PRDM10: variants seen among roughly 807,000 people sequenced by gnomAD.
PRDM10 encodes PR domain zinc finger protein 10.
In PRDM10, 65 loss-of-function variants were observed where a neutral mutation model predicts 133.1. That is an observed-to-expected ratio of 0.49 (90% CI 0.40 to 0.60). The LOEUF (loss-of-function observed/expected upper bound fraction) is 0.60. Ranked by LOEUF, PRDM10 falls within the 20% of genes least tolerant of loss-of-function variation. The pLI is 0.00. For synonymous variants in PRDM10, 582 were observed against 580.4 expected, an observed-to-expected ratio of 1.00 and a Z score of -0.04; for missense variants, 1,137 against 1,507.1, an observed-to-expected ratio of 0.75 and a Z score of 4.07.
At chr11:129,986,134 G>A (rs892492612) in intron 1 of PRDM10, among the ~76,000 whole-genome samples, 1 of 151,944 alleles carries the variant, frequency 6.6e-6, no homozygotes, top group African/African-American at 2.4e-5. Context: ...GTTAATGGAG[G>A]GGGCAGAGGC....
chr11:129,928,131 G>A (rs1950740920), intron 11 of PRDM10, among the ~76,000 whole-genome samples: 1 of 152,014 alleles, frequency 6.6e-6, no homozygotes. Context: ...TTAGAGATGG[G>A]GTCTTTCTCC....
intron 1 of PRDM10, among the ~76,000 whole-genome samples, chr11:129,984,521 G>A (rs1053180462): frequency 6.6e-6 from 1 of 151,684 alleles, no homozygotes; most frequent in Non-Finnish European, 1.5e-5. Flanking sequence ...CCTCGGCCTC[G>A]GCCCACCCTA....
intron 8 of PRDM10, 134 bp downstream of exon 8, chr11:129,937,464 T>G (rs1951069137): frequency 1.6e-6 from 1 of 618,714 alleles, no homozygotes; most frequent in Non-Finnish European, 2.7e-6. Context: ...GATGGAGATG[T>G]GTGTCTCTAA....
intron 15 of PRDM10, 103 bp from the exon 16 acceptor site, chr11:129,915,963 T>A (rs1490546178): frequency 5.4e-6 from 6 of 1,107,784 alleles, no homozygotes; most frequent in South Asian, 4.9e-5. Context: ...AAAGTATTCA[T>A]GTAGCCCCAA....
intron 1 of PRDM10, among the ~76,000 whole-genome samples, chr11:129,969,295 T>C (rs2135942128): frequency 1.3e-5 from 2 of 152,312 alleles, no homozygotes; most frequent in South Asian, 4.1e-4. Context: ...GAAATGATAC[T>C]TGGGCTTGGT....
Position 129,914,604 on chromosome 11 carries a change from G to C in PRDM10, c.2841+100C>G, listed in dbSNP as rs773750211. ...AATGCCCAAGGCTCAGAACTTCCAC[G>C]CAGAAGGACATTACATAGATCCCAG... is the stretch of plus-strand genomic sequence containing the variant. On this transcript the variant is annotated intron_variant, in intron 17 of 20. Coordinates refer to ENST00000360871, the MANE Select transcript of PRDM10 (RefSeq NM_199437.2). 2.0e-6 allele frequency: 3 copies of C among 1,505,078 alleles called. No homozygotes were observed. The South Asian group carries it at 3.4e-5, about 17-fold the overall frequency. 93.2% of individuals were successfully genotyped at this position (1,505,078 alleles called of 1,614,324 possible). A position where few individuals can be genotyped will look rare whatever the true frequency, so the allele number is the denominator to read the frequency against.
intron 9 of PRDM10, 96 bp downstream of exon 9, chr11:129,935,005 A>G: frequency 5.7e-6 from 6 of 1,061,004 alleles, no homozygotes; most frequent in Non-Finnish European, 8.6e-6. Context: ...CTATCTATAC[A>G]TGACACTCGG....
Position 130,002,531 on chromosome 11 carries a change from T to TC in PRDM10, c.-119+190dup, listed in dbSNP as rs527290559. Among the ~76,000 whole-genome samples the TC allele has an allele frequency of 5.7e-4, 84 of 148,378 alleles. 1 individual carries two copies. The highest frequency in any genetic ancestry group is 8.6e-4 in the South Asian group (4 of 4,636). ...CATCGGGCGGTGCCGCCGGGATTTC[T>TC]CCCCCCCACCACCACCATCAATTCC... On this transcript the variant is annotated intron_variant, in intron 1 of 20. Transcript: ENST00000360871.
rs1951355867 is a variant in PRDM10, at chr11:129,944,909, G to A, written c.624C>T (p.Leu208=). ...RPVLTRARAS[L]PLVLYIDRFL... ...ACCTGTCTATGTAGAGCACCAGGGG[G>A]AGGCTCGCCCTGGCCCGGGTGAGCA... The change falls in exon 6 of 21, where the codon CTC becomes CTT. Residue 208 remains leucine (L), a synonymous_variant. Coordinates refer to ENST00000360871, the MANE Select transcript of PRDM10 (RefSeq NM_199437.2). 3.1e-6 allele frequency: 5 copies of A among 1,613,994 alleles called. No homozygotes were observed. The highest frequency in any genetic ancestry group is 1.7e-5 in the Admixed American group (1 of 59,992).
chr11:130,002,120 C>A (rs1044456204), intron 1 of PRDM10, among the ~76,000 whole-genome samples: 4 of 150,558 alleles, frequency 2.7e-5, no homozygotes, highest in African/African-American at 9.7e-5. Flanking sequence ...GAGCCCTGCC[C>A]GCACTGCCAC....
chr11:129,923,790 G>A lies in PRDM10; in HGVS notation c.1879-387C>T, dbSNP rs1950595926. Among the ~76,000 whole-genome samples, 1 of 151,864 alleles carries A rather than the reference G, an allele frequency of 6.6e-6. No homozygotes were observed. The highest frequency in any genetic ancestry group is 2.1e-4 in the South Asian group (1 of 4,830). The stretch of plus-strand genomic sequence containing the variant: ...GTTTAAATGAAATCTTGCTAAAAAG[G>A]ATCTATAGGAAGACAAAAACCAATT... On this transcript the variant is annotated intron_variant, in intron 12 of 20. Coordinates refer to ENST00000360871, the MANE Select transcript of PRDM10 (RefSeq NM_199437.2). The surrounding 1 kb of genome is among the most constrained non-coding windows in gnomAD (Gnocchi z 4.4).
At chr11:129,988,611 AAGAG>A (rs1163266379) in intron 1 of PRDM10, among the ~76,000 whole-genome samples, 5 of 151,956 alleles carry the variant, frequency 3.3e-5, no homozygotes, top group African/African-American at 1.2e-4. Flanking sequence ...AAAAAAAAAA[AAGAG>A]GAGATGTTAA....
chr11:129,910,899 C>T (rs149629588), intron 18 of PRDM10, among the ~76,000 whole-genome samples: 1,781 of 152,218 alleles, frequency 0.012, 36 homozygotes, highest in African/African-American at 0.041. Context: ...GCCTCAGCCT[C>T]GCGAGTAGCT....
intron 1 of PRDM10, among the ~76,000 whole-genome samples, chr11:129,964,912 G>T (rs922460758): frequency 1.3e-5 from 2 of 152,152 alleles, no homozygotes; most frequent in South Asian, 4.1e-4. Flanking sequence ...TAGGCACAAG[G>T]TCTAGTACAT....
chr11:129,947,059 G>A lies in PRDM10; in HGVS notation c.520+86C>T, dbSNP rs899278390. On this transcript the variant is annotated intron_variant, in intron 5 of 20. Coordinates refer to ENST00000360871, the MANE Select transcript of PRDM10 (RefSeq NM_199437.2). This position sits in a 1 kb window ranked among gnomAD's most constrained non-coding sequence, Gnocchi z 4.6. ...CTGCACACGGAAGGACCTGACGCAC[G>A]GGAGCTATGTTCACACACACGCACA... 77 of 1,539,480 alleles carry A rather than the reference G, an allele frequency of 5.0e-5. No individual in the cohort carries two copies. The highest frequency in any genetic ancestry group is 4.7e-4 in the Admixed American group (26 of 55,564).
At chr11:129,933,814 A>C (rs1167996331) in intron 9 of PRDM10, among the ~76,000 whole-genome samples, 1 of 152,136 alleles carries the variant, frequency 6.6e-6, no homozygotes, top group African/African-American at 2.4e-5. Flanking sequence ...CCCTCCTTAG[A>C]CATTTACCCC....
chr11:129,991,070 G>C (rs192680822), intron 1 of PRDM10, among the ~76,000 whole-genome samples: 84 of 152,296 alleles, frequency 5.5e-4, no homozygotes, highest in African/African-American at 2.0e-3. Context: ...GAAAAAGAAT[G>C]TGAAGGCAAG....
In PRDM10 at chr11:129,983,153, T is replaced by G. The variant is rs556141512; in HGVS notation, c.-119+19569A>C. On this transcript the variant is annotated intron_variant, in intron 1 of 20. Coordinates refer to ENST00000360871, the MANE Select transcript of PRDM10 (RefSeq NM_199437.2). ...CACCACGCCCAGCTAATTTTTTGTA[T>G]TTTTAGTAGGGACAAGTTTTCGCCA... 2.6e-4 allele frequency among the ~76,000 whole-genome samples: 40 copies of G among 151,902 alleles called. 1 individual carries two copies. In the South Asian group the frequency reaches 8.3e-3, roughly 32 times the overall value.
At chr11:129,910,269 T>C (rs1950143877) in intron 19 of PRDM10, among the ~76,000 whole-genome samples, 1 of 152,214 alleles carries the variant, frequency 6.6e-6, no homozygotes, top group Non-Finnish European at 1.5e-5. Flanking sequence ...ATACCTGACG[T>C]TTCGAAAATG....
Sources: gnomAD v4.1 joint callset for allele counts (sites outside exome capture counted in the v4.1 genomes callset) on GRCh38, gnomAD v4.1.1 for gene constraint, Gnocchi (gnomAD v3.1) non-coding constraint, MANE v1.5 for transcripts, NCBI Gene and HGNC (gene_info 2026-07-23, HGNC 2026-07-21) for gene names.